Variants in DLGAP1 observed in about 807,000 individuals in gnomAD.
The protein encoded by DLGAP1 is DLG associated protein 1, also known as disks large-associated protein 1.
A neutral mutation model predicts 90.8 loss-of-function variants in DLGAP1; 11 were observed. The observed-to-expected ratio is 0.12, with a 90% CI of 0.08 to 0.20. The LOEUF is 0.20. Among genes scored for constraint, DLGAP1 ranks in the 10% least tolerant of loss-of-function variants. The pLI is 1.00. For missense variants in DLGAP1, 1,050 were observed against 1,333.8 expected, an observed-to-expected ratio of 0.79 and a Z score of 3.31; for synonymous variants, 558 against 540.7, an observed-to-expected ratio of 1.03 and a Z score of -0.44.
At chr18:3,529,609 G>T (rs1490782230) in intron 10 of DLGAP1, among the ~76,000 whole-genome samples, 2 of 152,172 alleles carry the variant, frequency 1.3e-5, no homozygotes, top group African/African-American at 2.4e-5. Context: ...ATATGAAGAT[G>T]AGTAAGACAA....
At chr18:4,226,310 T>C (rs965881372) in intron 1 of DLGAP1, among the ~76,000 whole-genome samples, 4 of 152,142 alleles carry the variant, frequency 2.6e-5, no homozygotes, top group Admixed American at 6.6e-5. Flanking sequence ...AGAGAGTTCT[T>C]CAGTCTAAAA....
At chr18:3,741,306 A>ACATCACCACCACCACCACCAC (rs1568050313) in intron 6 of DLGAP1, among the ~76,000 whole-genome samples, 27 of 77,120 alleles carry the variant, frequency 3.5e-4, no homozygotes, top group Non-Finnish European at 4.4e-4. Flanking sequence ...CCACCACATC[A>ACATCACCACCACCACCACCAC]CATCACCACC....
At chr18:4,278,545 C>G (rs2079471467) in intron 1 of DLGAP1, among the ~76,000 whole-genome samples, 1 of 152,212 alleles carries the variant, frequency 6.6e-6, no homozygotes, top group South Asian at 2.1e-4. Flanking sequence ...ATCTGACTTT[C>G]TGTTTCTGAG....
intron 3 of DLGAP1, chr18:3,986,037 AAC>A (rs1331208559): frequency 1.3e-5 from 2 of 152,196 alleles, no homozygotes; most frequent in African/African-American, 4.8e-5. Flanking sequence ...TTCTTATAAC[AAC>A]ACAGTCCTTC....
chr18:3,905,538 A>T (rs1347686753), intron 3 of DLGAP1, among the ~76,000 whole-genome samples: 1 of 152,116 alleles, frequency 6.6e-6, no homozygotes, highest in East Asian at 1.9e-4. Flanking sequence ...ACAAGGAAAC[A>T]TCTAAAGAAG....
At position 4,049,397 on chromosome 18, in the gene DLGAP1, TCTC is replaced by T. The variant is rs1367248182; in HGVS notation, c.-158-44199_-158-44197del. 9.2e-5 allele frequency among the ~76,000 whole-genome samples: 14 copies of T among 152,080 alleles called. No individual in the cohort carries two copies. The East Asian group carries it at 2.7e-3, about 29-fold the overall frequency. On this transcript the variant is annotated intron_variant, in intron 2 of 12. Coordinates refer to ENST00000315677, the MANE Select transcript of DLGAP1 (RefSeq NM_004746.4). ...CCAGTCCTGTCTGAGGGGCTTCCCG[TCTC>T]CTCCTCCCATGCAGCCGAGGCACTC... is the stretch of plus-strand genomic sequence containing the variant.
chr18:4,364,253 T>A (rs2081703257), intron 1 of DLGAP1, among the ~76,000 whole-genome samples: 1 of 93,754 alleles, frequency 1.1e-5, no homozygotes, highest in African/African-American at 4.3e-5. Flanking sequence ...CTGGGGACTG[T>A]TGTGGGGTGG....
Position 3,902,011 on chromosome 18 carries a change from C to T in DLGAP1, c.-72-21871G>A, listed in dbSNP as rs568282068. Among the ~76,000 whole-genome samples, 201 of 152,332 alleles carry T rather than the reference C, an allele frequency of 1.3e-3. 1 individual carries two copies. The highest frequency in any genetic ancestry group is 4.8e-3 in the African/African-American group (198 of 41,576). The stretch of plus-strand genomic sequence containing the variant: ...AGCTCTCAGAGAATAAAGTGAAGTG[C>T]ATGTCTGCCTTCCCACTTCCCAGCA... On this transcript the variant is annotated intron_variant, in intron 3 of 12. Transcript: ENST00000315677.
intron 2 of DLGAP1, chr18:4,013,712 C>T (rs897941315): frequency 1.3e-5 from 2 of 152,122 alleles, no homozygotes; most frequent in African/African-American, 2.4e-5. Flanking sequence ...TTCTAACAAT[C>T]GTAAAATTAT....
At chr18:4,390,994 T>A (rs995446787) in intron 1 of DLGAP1, among the ~76,000 whole-genome samples, 3 of 152,162 alleles carry the variant, frequency 2.0e-5, no homozygotes, top group Admixed American at 2.0e-4. Context: ...AATGGTCATA[T>A]ACCTTAAACA....
chr18:3,892,888 TTATAAATATA>T (rs746389571), intron 3 of DLGAP1, among the ~76,000 whole-genome samples: 33 of 147,442 alleles, frequency 2.2e-4, no homozygotes, highest in Non-Finnish European at 4.5e-4. Flanking sequence ...ATATAAAGAA[TTATAAATATA>T]TATAAATATA....
chr18:3,953,866 T>C (rs748087426), intron 3 of DLGAP1, among the ~76,000 whole-genome samples: 6 of 152,206 alleles, frequency 3.9e-5, no homozygotes, highest in Non-Finnish European at 7.3e-5. Context: ...TACTCTAATC[T>C]TTTATGGCAT....
At chr18:4,267,879 T>A (rs569913860) in intron 1 of DLGAP1, among the ~76,000 whole-genome samples, 1 of 152,166 alleles carries the variant, frequency 6.6e-6, no homozygotes, top group African/African-American at 2.4e-5. Context: ...GAGTGATCCA[T>A]GGGAGTGAGA....
chr18:4,063,592 C>T (rs4564684), intron 2 of DLGAP1, among the ~76,000 whole-genome samples: 65,707 of 151,772 alleles, frequency 0.43, 15,185 homozygotes, highest in African/African-American at 0.6. Flanking sequence ...CCCCCTCTAC[C>T]TTCCATGCCT....
intron 7 of DLGAP1, among the ~76,000 whole-genome samples, chr18:3,633,401 CAA>C (rs60320308): frequency 0.021 from 1,327 of 61,904 alleles, 20 homozygotes; most frequent in African/African-American, 0.063. Context: ...GACTTCATCT[CAA>C]AAAAAAAAAA....
intron 1 of DLGAP1, among the ~76,000 whole-genome samples, chr18:4,355,562 A>G (rs1457929429): frequency 6.6e-6 from 1 of 152,108 alleles, no homozygotes; most frequent in Non-Finnish European, 1.5e-5. Context: ...ATAAAATTAA[A>G]TGGAACACAC....
At chr18:3,530,440 GA>G (rs1479667953) in intron 10 of DLGAP1, among the ~76,000 whole-genome samples, 1 of 151,512 alleles carries the variant, frequency 6.6e-6, no homozygotes, top group Non-Finnish European at 1.5e-5. Context: ...AAGGAGGGAA[GA>G]AAAAGAAAGA....
rs77933454 is a variant in DLGAP1 at position 4,314,333 on chromosome 18, T to C, written c.-267+140673A>G. The stretch of plus-strand genomic sequence containing the variant: ...CTGTAAGTAAAAACCAAGCAATAAC[T>C]GCTCTGAAGACCCAATAAGATTTTA... On this transcript the variant is annotated intron_variant, in intron 1 of 12. Transcript: ENST00000315677. Among the ~76,000 whole-genome samples the C allele has an allele frequency of 9.2e-3, 1,399 of 152,166 alleles. 25 individuals carry two copies. The highest frequency in any genetic ancestry group is 0.031 in the African/African-American group (1,302 of 41,564).
intron 7 of DLGAP1, among the ~76,000 whole-genome samples, chr18:3,669,577 A>G (rs888382923): frequency 2.0e-5 from 3 of 152,342 alleles, no homozygotes; most frequent in East Asian, 3.9e-4. Flanking sequence ...ACTCCCGCAC[A>G]TGGATCGATG....
Sources: allele counts gnomAD v4.1 joint callset (sites outside exome capture counted in the v4.1 genomes callset), GRCh38; gene constraint gnomAD v4.1.1; transcripts MANE v1.5; gene names NCBI Gene and HGNC (gene_info 2026-07-23, HGNC 2026-07-21).